NPAS3: variants seen among roughly 807,000 people sequenced by gnomAD.
NPAS3 encodes neuronal PAS domain-containing protein 3.
NPAS3 carries 14 observed loss-of-function variants against 73.1 expected under a neutral mutation model. The observed-to-expected ratio is 0.19, with a 90% confidence interval of 0.13 to 0.30. The LOEUF (loss-of-function observed/expected upper bound fraction) is 0.30. Ranked by LOEUF, NPAS3 falls within the 10% of genes least tolerant of loss-of-function variation. NPAS3 has a pLI of 1.00. For synonymous variants in NPAS3, 620 were observed against 541.5 expected (o/e 1.14, Z -2.01); for missense variants, 1,096 against 1,250.0 (o/e 0.88, Z 1.86).
chr14:33,301,778 C>T (rs78218367), intron 3 of NPAS3, among the ~76,000 whole-genome samples: 6,784 of 152,194 alleles, frequency 0.045, 412 homozygotes, highest in East Asian at 0.18. Context: ...TGGTAACACA[C>T]AGAGAATTAT....
At chr14:33,093,296 A>G (rs1314636835) in intron 2 of NPAS3, among the ~76,000 whole-genome samples, 7 of 152,080 alleles carry the variant, frequency 4.6e-5, no homozygotes, top group Non-Finnish European at 4.4e-5. Context: ...AACCCTATCA[A>G]AAAGTGGGCA....
chr14:33,773,585 G>A (rs995557448), intron 7 of NPAS3, among the ~76,000 whole-genome samples: 5 of 152,120 alleles, frequency 3.3e-5, no homozygotes, highest in Non-Finnish European at 7.4e-5. Context: ...CGGGTGGCCT[G>A]GACTATTTTG....
At chr14:33,265,012 G>A (rs1240484414) in intron 3 of NPAS3, among the ~76,000 whole-genome samples, 1 of 152,192 alleles carries the variant, frequency 6.6e-6, no homozygotes, top group East Asian at 1.9e-4. Flanking sequence ...AGAAAGGCAG[G>A]CACAGAGTGA....
intron 4 of NPAS3, among the ~76,000 whole-genome samples, chr14:33,489,267 T>C (rs1310665444): frequency 6.6e-6 from 1 of 152,156 alleles, no homozygotes; most frequent in African/African-American, 2.4e-5. Context: ...CAATATAATA[T>C]AGGGATTTTG....
intron 3 of NPAS3, among the ~76,000 whole-genome samples, chr14:33,265,516 T>C (rs1191167645): frequency 6.6e-6 from 1 of 152,128 alleles, no homozygotes; most frequent in Non-Finnish European, 1.5e-5. Context: ...TTTTTCATTT[T>C]ATAACAGCAA....
chr14:33,047,448 T>C (rs777250478), intron 1 of NPAS3, among the ~76,000 whole-genome samples: 4 of 152,140 alleles, frequency 2.6e-5, no homozygotes, highest in Non-Finnish European at 4.4e-5. Context: ...GGATAGAATA[T>C]GGATGTATCT....
intron 5 of NPAS3, among the ~76,000 whole-genome samples, chr14:33,579,517 A>G (rs2056579093): frequency 6.6e-6 from 1 of 152,224 alleles, no homozygotes; most frequent in South Asian, 2.1e-4. Flanking sequence ...ATAAAGACTG[A>G]TGAAATATGG....
rs903204415 is a variant in NPAS3 at position 33,384,627 on chromosome 14, C to A, written c.468+17359C>A. Among the ~76,000 whole-genome samples, 3 of 152,010 alleles carry A rather than the reference C, an allele frequency of 2.0e-5. No homozygotes were observed. The East Asian group carries it at 5.8e-4, about 29-fold the overall frequency. On this transcript the variant is annotated intron_variant, in intron 4 of 11. Transcript: ENST00000356141. The stretch of plus-strand genomic sequence containing the variant: ...GCCTGTAATCCCAACTACTTGGGAG[C>A]CTGAGGCAGGAGAATCACTTGAACC...
chr14:33,308,258 G>A (rs1594653751), intron 3 of NPAS3, among the ~76,000 whole-genome samples: 1 of 151,910 alleles, frequency 6.6e-6, no homozygotes, highest in Admixed American at 6.6e-5. Flanking sequence ...GTACATTACT[G>A]GTGTTTGAAT....
At chr14:33,457,113 G>A (rs542555324) in intron 4 of NPAS3, among the ~76,000 whole-genome samples, 4 of 152,268 alleles carry the variant, frequency 2.6e-5, no homozygotes, top group South Asian at 2.1e-4. Context: ...AGGGCGAGTC[G>A]CCGTCCAAAT....
chr14:33,354,978 T>C (rs928379045), intron 3 of NPAS3, among the ~76,000 whole-genome samples: 3 of 152,192 alleles, frequency 2.0e-5, no homozygotes, highest in African/African-American at 4.8e-5. Context: ...CACGTGCTCA[T>C]GTCCCTCTGT....
At chr14:33,218,303 C>T (rs1266925648) in intron 3 of NPAS3, among the ~76,000 whole-genome samples, 4 of 152,098 alleles carry the variant, frequency 2.6e-5, no homozygotes, top group African/African-American at 9.7e-5. Context: ...TAGTGACTCC[C>T]TACTGTCTAC....
intron 2 of NPAS3, among the ~76,000 whole-genome samples, chr14:33,059,781 C>A (rs1173294883): frequency 6.6e-6 from 1 of 152,152 alleles, no homozygotes; most frequent in Non-Finnish European, 1.5e-5. Context: ...AAAGACACCC[C>A]TTCCATACTA....
chr14:33,179,155 A>G (rs1008753028), intron 2 of NPAS3, among the ~76,000 whole-genome samples: 2 of 151,956 alleles, frequency 1.3e-5, no homozygotes, highest in African/African-American at 4.8e-5. Flanking sequence ...GATAAATCCT[A>G]CTTGGTCTAA....
chr14:33,486,923 A>G (rs1317605284), intron 4 of NPAS3, among the ~76,000 whole-genome samples: 1 of 152,124 alleles, frequency 6.6e-6, no homozygotes, highest in South Asian at 2.1e-4. Flanking sequence ...TTGGCCTCCT[A>G]TTGGGAGCCT....
At chr14:32,938,339 C>T (rs8009934), upstream of NPAS3, among the ~76,000 whole-genome samples, 48,291 of 151,638 alleles carry the variant, frequency 0.32, 8,223 homozygotes, top group African/African-American at 0.42. Flanking sequence ...CTCCCAGTTC[C>T]TTTTTCTGTT....
chr14:33,198,874 TG>T (rs1217089625), intron 2 of NPAS3, among the ~76,000 whole-genome samples: 2 of 152,172 alleles, frequency 1.3e-5, no homozygotes, highest in Non-Finnish European at 2.9e-5. Flanking sequence ...CCCGGAGCCC[TG>T]CCCCACAGGG....
At chr14:33,176,172 A>G (rs369297169) in intron 2 of NPAS3, among the ~76,000 whole-genome samples, 1 of 152,214 alleles carries the variant, frequency 6.6e-6, no homozygotes, top group South Asian at 2.1e-4. Flanking sequence ...GAGAACAACC[A>G]AAAAAACTAG....
chr14:33,049,191 G>T (rs1595327340), intron 1 of NPAS3, among the ~76,000 whole-genome samples: 1 of 152,192 alleles, frequency 6.6e-6, no homozygotes, highest in East Asian at 1.9e-4. Context: ...TTGAGTGAGT[G>T]AATTCATAGT....
Sources: allele counts gnomAD v4.1 joint callset (sites outside exome capture counted in the v4.1 genomes callset), GRCh38; gene constraint gnomAD v4.1.1; transcripts MANE v1.5; gene names NCBI Gene and HGNC (gene_info 2026-07-23, HGNC 2026-07-21).